FRMD4A: variants seen among roughly 807,000 people sequenced by gnomAD.
FRMD4A encodes the protein FERM domain-containing protein 4A.
In FRMD4A, 29 loss-of-function variants were observed where a neutral mutation model predicts 129.1. The ratio of observed to expected loss-of-function variants is 0.22; its 90% CI spans 0.17 to 0.31. The LOEUF (loss-of-function observed/expected upper bound fraction) is 0.31, where lower values mean the gene tolerates loss of function less well. Among genes scored for constraint, FRMD4A ranks in the 10% least tolerant of loss-of-function variants. FRMD4A has a pLI of 1.00. For missense variants in FRMD4A, 1,272 were observed against 1,375.8 expected (o/e 0.92, Z 1.19); for synonymous variants, 634 against 571.6 (o/e 1.11, Z -1.56).
intron 6 of FRMD4A, among the ~76,000 whole-genome samples, chr10:13,764,184 C>CGT (rs369852562): frequency 0.19 from 26,809 of 141,226 alleles, 2,702 homozygotes; most frequent in Admixed American, 0.23. Flanking sequence ...CAAAGATTTC[C>CGT]GTGTGTGTGT....
intron 2 of FRMD4A, among the ~76,000 whole-genome samples, chr10:14,085,163 G>T (rs1255098478): frequency 6.6e-6 from 1 of 152,156 alleles, no homozygotes; most frequent in Non-Finnish European, 1.5e-5. Flanking sequence ...AAACTTTCAT[G>T]CAAAGTAGTT....
chr10:14,311,357 G>A (rs1846540966), intron 2 of FRMD4A, among the ~76,000 whole-genome samples: 1 of 152,148 alleles, frequency 6.6e-6, no homozygotes, highest in African/African-American at 2.4e-5. Context: ...CATAAGAAGG[G>A]TCACATTTTC....
At chr10:13,810,538 A>C (rs1374534303) in intron 4 of FRMD4A, among the ~76,000 whole-genome samples, 2 of 152,254 alleles carry the variant, frequency 1.3e-5, no homozygotes, top group African/African-American at 4.8e-5. Context: ...CACTTAAAAA[A>C]AAATAAACAT....
At chr10:13,787,263 G>A (rs1015830452) in intron 5 of FRMD4A, among the ~76,000 whole-genome samples, 2 of 152,106 alleles carry the variant, frequency 1.3e-5, no homozygotes, top group Non-Finnish European at 1.5e-5. Context: ...GTTCTGTTAG[G>A]GGAGGGTATG....
intron 2 of FRMD4A, among the ~76,000 whole-genome samples, chr10:14,286,990 C>T (rs1016445261): frequency 6.6e-6 from 1 of 152,182 alleles, no homozygotes; most frequent in African/African-American, 2.4e-5. Context: ...TGCATTCTCA[C>T]ATAGACTATA....
intron 2 of FRMD4A, among the ~76,000 whole-genome samples, chr10:14,137,886 AAGCC>A (rs1434171910): frequency 6.6e-6 from 1 of 152,046 alleles, no homozygotes; most frequent in East Asian, 1.9e-4. Flanking sequence ...GAGATTATGT[AAGCC>A]CCCAGTGCTT....
At chr10:14,240,913 CAAAAA>C (rs59389000) in intron 2 of FRMD4A, among the ~76,000 whole-genome samples, 6 of 148,868 alleles carry the variant, frequency 4.0e-5, no homozygotes, top group Admixed American at 6.7e-5. Flanking sequence ...TAATGCACTT[CAAAAA>C]AAAAAAAAAA....
In FRMD4A at chr10:13,660,294, C is replaced by A. The variant is rs1254060600; in HGVS notation, c.1898+22G>T. 2.0e-6 allele frequency: 3 copies of A among 1,491,162 alleles called. No individual in the cohort carries two copies. The South Asian group carries it at 3.4e-5, about 17-fold the overall frequency. 92.4% of individuals were successfully genotyped at this position (1,491,162 alleles called of 1,614,324 possible). ...GAGCATAGAGGGAGGCCTCATTTGG[C>A]CTCATTCACGATGCAGCTCACCTGG... On this transcript the variant is annotated intron_variant, in intron 20 of 24. Transcript: ENST00000357447.
At chr10:14,231,280 C>T (rs1295837972) in intron 2 of FRMD4A, among the ~76,000 whole-genome samples, 1 of 151,994 alleles carries the variant, frequency 6.6e-6, no homozygotes, top group East Asian at 1.9e-4. Context: ...GCCTCACCAT[C>T]ATCTGTTGTT....
chr10:14,175,232 A>G (rs1361867234), intron 2 of FRMD4A, among the ~76,000 whole-genome samples: 1 of 152,194 alleles, frequency 6.6e-6, no homozygotes, highest in Non-Finnish European at 1.5e-5. Context: ...TGCACCATAC[A>G]TGAACCTATC....
rs865799794 is a variant in FRMD4A at position 13,644,896 on chromosome 10, C to T, written c.*2142G>A. ...CCCTAGAATCATTTAATAATGTAACCGGTATCTCTTTATCCTGCAGGTGTA... is the reference window on the plus strand; with the variant it reads ...CCCTAGAATCATTTAATAATGTAACTGGTATCTCTTTATCCTGCAGGTGTA... On this transcript the variant is annotated 3_prime_UTR_variant, in exon 25 of 25. Coordinates refer to ENST00000357447, the MANE Select transcript of FRMD4A (RefSeq NM_018027.5). The T allele has an allele frequency of 8.5e-5, 13 of 152,300 alleles. No individual in the cohort carries two copies. Among genetic ancestry groups the T allele is most frequent in the East Asian group, 3.9e-4 (2 of 5,190 alleles). 9.4% of individuals were successfully genotyped at this position (152,300 alleles called of 1,614,324 possible). A position where few individuals can be genotyped will look rare whatever the true frequency, so the allele number is the denominator to read the frequency against.
intron 2 of FRMD4A, among the ~76,000 whole-genome samples, chr10:14,026,438 T>C (rs867997956): frequency 6.6e-6 from 1 of 152,324 alleles, no homozygotes; most frequent in South Asian, 2.1e-4. Flanking sequence ...GGGTCCTAAA[T>C]TGTACATGCA....
At chr10:14,252,346 TGGACAAAA>T (rs1447314609) in intron 2 of FRMD4A, among the ~76,000 whole-genome samples, 1 of 152,220 alleles carries the variant, frequency 6.6e-6, no homozygotes, top group Non-Finnish European at 1.5e-5. Flanking sequence ...TTTTGCCAAT[TGGACAAAA>T]GGACATTATT....
intron 2 of FRMD4A, chr10:13,971,626 A>C: frequency 2.4e-6 from 3 of 1,247,308 alleles, no homozygotes; most frequent in Non-Finnish European, 3.2e-6. Context: ...CCATGCTTCA[A>C]AGAAACGAAA....
intron 2 of FRMD4A, chr10:13,971,899 T>C: frequency 3.2e-6 from 4 of 1,268,274 alleles, no homozygotes; most frequent in Non-Finnish European, 4.1e-6. Flanking sequence ...TAAGATTTAA[T>C]CAGGCAAGGA....
At chr10:13,685,580 TC>T (rs2084994816) in intron 15 of FRMD4A, 1 of 984,826 alleles carries the variant, frequency 1.0e-6, no homozygotes, top group Non-Finnish European at 1.2e-6. Context: ...CATTCTGTGC[TC>T]CCAGCAAAGG....
intron 2 of FRMD4A, among the ~76,000 whole-genome samples, chr10:14,089,763 T>A (rs192339023): frequency 1.3e-4 from 20 of 151,876 alleles, no homozygotes; most frequent in African/African-American, 4.6e-4. Context: ...CAGTGTGGAG[T>A]TATCAGATGG....
At chr10:14,014,340 G>GC (rs941156644) in intron 2 of FRMD4A, among the ~76,000 whole-genome samples, 7 of 152,046 alleles carry the variant, frequency 4.6e-5, no homozygotes, top group Non-Finnish European at 5.9e-5. Flanking sequence ...AATATCACAC[G>GC]CCCCCCATTA....
At chr10:13,853,724 T>G (rs1001527958) in intron 3 of FRMD4A, among the ~76,000 whole-genome samples, 1 of 148,532 alleles carries the variant, frequency 6.7e-6, no homozygotes, top group Non-Finnish European at 1.5e-5. Context: ...TCCCAGCTAC[T>G]CGGGAGGCTG....
Sources: gnomAD v4.1 joint callset for allele counts (sites outside exome capture counted in the v4.1 genomes callset) on GRCh38, gnomAD v4.1.1 for gene constraint, MANE v1.5 for transcripts, NCBI Gene and HGNC (gene_info 2026-07-23, HGNC 2026-07-21) for gene names.